The following GRIN3A variants were observed in gnomAD, a reference collection of about 807,000 sequenced individuals.
GRIN3A encodes the protein glutamate receptor ionotropic, NMDA 3A.
In GRIN3A, 47 loss-of-function variants were observed where a neutral mutation model predicts 92.4. That is an observed-to-expected ratio of 0.51 (90% CI 0.40 to 0.65). GRIN3A has a LOEUF of 0.65. Among genes scored for constraint, GRIN3A ranks in the 30% least tolerant of loss-of-function variants. The probability of loss-of-function intolerance (pLI) is 0.00; values close to 1 mark genes in which losing one functional copy is unlikely to be tolerated. For synonymous variants in GRIN3A, 527 were observed against 540.6 expected (o/e 0.97, Z 0.35); for missense variants, 1,324 against 1,393.1 (o/e 0.95, Z 0.79).
chr9:101,708,497 G>C (rs997019400), intron 1 of GRIN3A, among the ~76,000 whole-genome samples: 1 of 152,126 alleles, frequency 6.6e-6, no homozygotes, highest in Non-Finnish European at 1.5e-5. Flanking sequence ...AGGAGAGATG[G>C]TGTCTTGTGG....
At chr9:101,626,995 C>G (rs184314972) in intron 4 of GRIN3A, among the ~76,000 whole-genome samples, 10 of 152,344 alleles carry the variant, frequency 6.6e-5, no homozygotes. Context: ...TGGAGTGGAA[C>G]TGCTGGGGAC....
At chr9:101,639,665 T>C (rs2118898519) in intron 3 of GRIN3A, among the ~76,000 whole-genome samples, 1 of 152,328 alleles carries the variant, frequency 6.6e-6, no homozygotes, top group Non-Finnish European at 1.5e-5. Context: ...CCTCATGGCA[T>C]AGGAACTTTT....
At chr9:101,673,327 A>G (rs1393777144) in intron 2 of GRIN3A, among the ~76,000 whole-genome samples, 1 of 152,128 alleles carries the variant, frequency 6.6e-6, no homozygotes, top group Non-Finnish European at 1.5e-5. Flanking sequence ...TAAGATGGCC[A>G]TGATAGAGGG....
At chr9:101,691,648 G>A (rs1829622576) in intron 1 of GRIN3A, among the ~76,000 whole-genome samples, 1 of 152,120 alleles carries the variant, frequency 6.6e-6, no homozygotes, top group African/African-American at 2.4e-5. Context: ...TAAATGGTTG[G>A]AGCCACCATC....
At chr9:101,608,178 A>G (rs1828311412) in intron 6 of GRIN3A, among the ~76,000 whole-genome samples, 1 of 152,108 alleles carries the variant, frequency 6.6e-6, no homozygotes. Flanking sequence ...TCCTATCTCT[A>G]CACACACTGA....
chr9:101,586,036 G>A (rs926293270), intron 6 of GRIN3A, among the ~76,000 whole-genome samples: 3 of 151,920 alleles, frequency 2.0e-5, no homozygotes, highest in South Asian at 4.2e-4. Context: ...TTTTCTGTTC[G>A]TGCCTGTAAA....
intron 2 of GRIN3A, among the ~76,000 whole-genome samples, chr9:101,673,029 A>T (rs957783894): frequency 6.6e-6 from 1 of 152,162 alleles, no homozygotes; most frequent in Admixed American, 6.6e-5. Context: ...CTGATATAAG[A>T]AATAAACAGT....
chr9:101,594,899 G>A, intron 6 of GRIN3A: 6 of 1,599,994 alleles, frequency 3.8e-6, no homozygotes, highest in East Asian at 2.2e-5. Flanking sequence ...CATCTCCGCC[G>A]GGTAACTGGC....
intron 1 of GRIN3A, 42 bp downstream of exon 1, chr9:101,737,239 C>T (rs1264589546): frequency 1.7e-5 from 27 of 1,550,476 alleles, no homozygotes; most frequent in Non-Finnish European, 2.1e-5. Flanking sequence ...CCCCGGCCCC[C>T]AGCAGCGCCC....
rs58800610 is a variant in GRIN3A at position 101,736,189 on chromosome 9, T to C, written c.699+1092A>G. 8.9e-3 allele frequency among the ~76,000 whole-genome samples: 1,361 copies of C among 152,320 alleles called. 21 individuals carry two copies. The highest frequency in any genetic ancestry group is 0.031 in the African/African-American group (1,290 of 41,562). On this transcript the variant is annotated intron_variant, in intron 1 of 8. Coordinates refer to ENST00000361820, the MANE Select transcript of GRIN3A (RefSeq NM_133445.3). ...AGAAATCCTCCAGAATGTGGACTTT[T>C]TTACTAGTACACTGACCAATGTTGA... is the stretch of plus-strand genomic sequence containing the variant.
intron 3 of GRIN3A, among the ~76,000 whole-genome samples, chr9:101,643,654 GTCTCTC>G (rs74810886): frequency 0.015 from 2,189 of 147,036 alleles, 29 homozygotes; most frequent in Non-Finnish European, 0.018. Context: ...CAACCTAAAT[GTCTCTC>G]TCTCTCTCTC....
chr9:101,613,530 A>G lies in GRIN3A; in HGVS notation c.2615-3T>C. 6.2e-7 allele frequency: 1 copy of G among 1,614,106 alleles called. No homozygotes were observed. The highest frequency in any genetic ancestry group is 1.1e-5 in the South Asian group (1 of 91,064). ...GGGTGGGAGGCCAATGCCGTATCCT[A>G]GAAGAAAATACAATCTCAGATGAGT... On this transcript the variant is annotated splice_polypyrimidine_tract_variant and splice_region_variant and intron_variant, in intron 5 of 8. Coordinates refer to ENST00000361820, the MANE Select transcript of GRIN3A (RefSeq NM_133445.3).
At chr9:101,651,740 TA>T (rs1829017996) in intron 3 of GRIN3A, among the ~76,000 whole-genome samples, 1 of 151,900 alleles carries the variant, frequency 6.6e-6, no homozygotes, top group Non-Finnish European at 1.5e-5. Context: ...ATTTTATAAA[TA>T]AATTTTGTAA....
At chr9:101,647,160 G>T (rs1828948460) in intron 3 of GRIN3A, among the ~76,000 whole-genome samples, 1 of 151,752 alleles carries the variant, frequency 6.6e-6, no homozygotes, top group Admixed American at 6.6e-5. Flanking sequence ...TTGTTTTAAG[G>T]CATGTTCATG....
intron 3 of GRIN3A, among the ~76,000 whole-genome samples, chr9:101,664,442 C>T (rs1323413): frequency 0.14 from 21,208 of 151,784 alleles, 2,071 homozygotes; most frequent in African/African-American, 0.28. Flanking sequence ...GGTAGGAGGC[C>T]GTGAGAAGCA....
intron 3 of GRIN3A, among the ~76,000 whole-genome samples, chr9:101,660,479 A>T (rs1829158431): frequency 1.3e-5 from 2 of 151,814 alleles, no homozygotes; most frequent in African/African-American, 2.4e-5. Flanking sequence ...CTCAATAATT[A>T]TCCAAATGGG....
chr9:101,701,366 C>T (rs1395071538), intron 1 of GRIN3A, among the ~76,000 whole-genome samples: 1 of 152,066 alleles, frequency 6.6e-6, no homozygotes, highest in Non-Finnish European at 1.5e-5. Flanking sequence ...TGATCTTCTC[C>T]CTCCTCCCAC....
At chr9:101,647,457 G>A (rs1024641343) in intron 3 of GRIN3A, among the ~76,000 whole-genome samples, 4 of 150,688 alleles carry the variant, frequency 2.7e-5, no homozygotes, top group Non-Finnish European at 3.0e-5. Context: ...TGTAATTTTC[G>A]CCTTTTTTTT....
chr9:101,583,599 G>A (rs1002645653), intron 6 of GRIN3A, among the ~76,000 whole-genome samples: 5 of 152,126 alleles, frequency 3.3e-5, no homozygotes, highest in African/African-American at 1.2e-4. Flanking sequence ...ACACTCAGGT[G>A]ATGCAGACAA....
Sources: allele counts gnomAD v4.1 joint callset (sites outside exome capture counted in the v4.1 genomes callset), GRCh38; gene constraint gnomAD v4.1.1; transcripts MANE v1.5; gene names NCBI Gene and HGNC (gene_info 2026-07-23, HGNC 2026-07-21).